Variants in REV3L observed in about 807,000 individuals in gnomAD.
The protein encoded by REV3L is DNA polymerase zeta catalytic subunit.
REV3L carries 69 observed loss-of-function variants against 299.4 expected under a neutral mutation model. The ratio of observed to expected loss-of-function variants is 0.23; its 90% CI spans 0.19 to 0.28. The LOEUF (loss-of-function observed/expected upper bound fraction) is 0.28, where lower values mean the gene tolerates loss of function less well. Ranked by LOEUF, REV3L falls within the 10% of genes least tolerant of loss-of-function variation. The pLI is 1.00. For synonymous variants in REV3L, 1,238 were observed against 1,271.4 expected (o/e 0.97, Z 0.56); for missense variants, 3,128 against 3,693.8 (o/e 0.85, Z 3.97).
chr6:111,422,467 T>C (rs1006295773), intron 1 of REV3L, among the ~76,000 whole-genome samples: 10 of 150,986 alleles, frequency 6.6e-5, no homozygotes, highest in African/African-American at 2.2e-4. Flanking sequence ...AAAATGTTTA[T>C]GATGTCTTTA....
chr6:111,305,200 G>A (rs1261462266), intron 31 of REV3L, among the ~76,000 whole-genome samples: 10 of 151,906 alleles, frequency 6.6e-5, no homozygotes, highest in East Asian at 3.9e-4. Flanking sequence ...CTCGGCCTCC[G>A]AAAGTGCTGG....
At chr6:111,343,377 T>A (rs1776715316) in intron 21 of REV3L, among the ~76,000 whole-genome samples, 1 of 152,158 alleles carries the variant, frequency 6.6e-6, no homozygotes, top group Non-Finnish European at 1.5e-5. Flanking sequence ...AGAAATCCAA[T>A]TAGTAATTAT....
chr6:111,325,555 C>G (rs918727523), intron 25 of REV3L, among the ~76,000 whole-genome samples: 1 of 152,190 alleles, frequency 6.6e-6, no homozygotes, highest in Non-Finnish European at 1.5e-5. Flanking sequence ...TAGTCCAGAT[C>G]TAGTACTTTT....
At chr6:111,348,976 G>C in intron 20 of REV3L, 1 of 291,778 alleles carries the variant, frequency 3.4e-6, no homozygotes, top group South Asian at 7.2e-5. Flanking sequence ...TATAGCTATA[G>C]ACCTTTCTAG....
At chr6:111,471,171 CAA>C (rs1035772568) in intron 1 of REV3L, among the ~76,000 whole-genome samples, 5 of 152,024 alleles carry the variant, frequency 3.3e-5, no homozygotes, top group African/African-American at 7.2e-5. Context: ...TACAAATTCA[CAA>C]GAGAGCAATA....
At chr6:111,335,285 A>G (rs1168739389) in intron 22 of REV3L, among the ~76,000 whole-genome samples, 184 bp downstream of exon 22, 1 of 152,230 alleles carries the variant, frequency 6.6e-6, no homozygotes, top group Admixed American at 6.5e-5. Context: ...TCTTAATACC[A>G]TAAAAAACTT....
At position 111,380,146 on chromosome 6, in the gene REV3L, T is replaced by G. The variant is rs760511461; in HGVS notation, c.1290A>C (p.Arg430Ser). The change falls in exon 11 of 32, where the codon AGA becomes AGC. Residue 430 changes from arginine (R) to serine (S), a missense_variant. Physicochemically the swap from Arg to Ser is moderately radical, Grantham distance 110 (BLOSUM62 -1). Around this residue, in one of 9 missense-constraint regions of REV3L, gnomAD observed 2,409 missense variants for 2,611.8 expected, o/e 0.92. Transcript: ENST00000368802. ...AGCGACATGGTGATGGCATCCTATT[T>G]CTTTCCCCCCGATATCCATCACTTT... ...GLESDGYRGE[R>S]NRMPSPCRSF... The G allele has an allele frequency of 1.2e-6, 2 of 1,614,124 alleles. No individual in the cohort carries two copies. The highest frequency in any genetic ancestry group is 2.2e-5 in the South Asian group (2 of 91,080).
chr6:111,372,782 G>T lies in REV3L; in HGVS notation c.5573C>A (p.Ser1858Tyr), dbSNP rs201242486. Residue 1858 changes from serine to tyrosine, a missense_variant, in exon 13 of 32, where the codon TCT becomes TAT. Ser to Tyr is a moderately radical substitution (Grantham distance 144, BLOSUM62 -2). Coordinates refer to ENST00000368802, the MANE Select transcript of REV3L (RefSeq NM_001372078.1). ...TTTAGATTGTGAAGGAGAGCTAGTA[G>T]ATCTTGGTGAACTATCAGGAGTTGG... ...LTPTPDSSPR[S>Y]TSSPSQSKNG... 2 of 1,612,940 alleles carry T rather than the reference G, an allele frequency of 1.2e-6. No homozygotes were observed. Among genetic ancestry groups the T allele is most frequent in the Non-Finnish European group, 1.7e-6 (2 of 1,179,486 alleles).
intron 31 of REV3L, among the ~76,000 whole-genome samples, chr6:111,307,159 A>T (rs1347359346): frequency 6.6e-6 from 1 of 151,822 alleles, no homozygotes; most frequent in Non-Finnish European, 1.5e-5. Flanking sequence ...ACTATTCCAT[A>T]AAAAAAACAA....
At chr6:111,437,818 T>C (rs1787756937) in intron 1 of REV3L, among the ~76,000 whole-genome samples, 1 of 151,990 alleles carries the variant, frequency 6.6e-6, no homozygotes, top group Admixed American at 6.6e-5. Flanking sequence ...TATAAATAGG[T>C]AAAATGTATA....
intron 19 of REV3L, among the ~76,000 whole-genome samples, chr6:111,350,886 CTT>C (rs571727526): frequency 2.0e-3 from 300 of 151,842 alleles, no homozygotes; most frequent in African/African-American, 7.0e-3. Flanking sequence ...TGCACCTGAT[CTT>C]TTTATTCCAA....
intron 2 of REV3L, among the ~76,000 whole-genome samples, chr6:111,414,207 C>A (rs138448549): frequency 1.0e-3 from 156 of 152,160 alleles, no homozygotes; most frequent in African/African-American, 3.5e-3. Context: ...AATAATAATG[C>A]CCTACTTAAA....
intron 4 of REV3L, among the ~76,000 whole-genome samples, chr6:111,400,900 A>G (rs1364703427): frequency 2.0e-5 from 3 of 152,210 alleles, no homozygotes; most frequent in African/African-American, 4.8e-5. Flanking sequence ...TATGTGACGT[A>G]TAAGGTGTGA....
At chr6:111,402,762 T>C (rs1783221082) in intron 4 of REV3L, among the ~76,000 whole-genome samples, 1 of 151,752 alleles carries the variant, frequency 6.6e-6, no homozygotes, top group Non-Finnish European at 1.5e-5. Context: ...TTGACAGTGA[T>C]GGAAAAGAAA....
At chr6:111,476,496 T>A (rs938646774) in intron 1 of REV3L, among the ~76,000 whole-genome samples, 3 of 152,128 alleles carry the variant, frequency 2.0e-5, no homozygotes, top group African/African-American at 7.2e-5. Context: ...TGAGGTCAGG[T>A]GTGGAATTTT....
rs1204073534 is a variant in REV3L, at chr6:111,374,006, T to C, written c.4349A>G (p.Glu1450Gly). The change falls in exon 13 of 32, where the codon GAG becomes GGG. Residue 1450 changes from glutamate (E) to glycine (G), a missense_variant. Transcript: ENST00000368802. Reference sequence around the variant, plus strand: ...GCAATTATTAGGCATTTGGCTTTCCTCTGAAGCTGTATTTCCCGGAGAACA... The same window carrying C: ...GCAATTATTAGGCATTTGGCTTTCCCCTGAAGCTGTATTTCCCGGAGAACA... ...ETCSPGNTASEESQMPNNCFV... is the reference protein window; with the variant it reads ...ETCSPGNTASGESQMPNNCFV... The C allele has an allele frequency of 6.2e-7, 1 of 1,614,046 alleles. No homozygotes were observed. Among genetic ancestry groups the C allele is most frequent in the East Asian group, 2.2e-5 (1 of 44,882 alleles).
intron 2 of REV3L, among the ~76,000 whole-genome samples, chr6:111,412,516 A>T (rs1405933425): frequency 6.6e-6 from 1 of 152,154 alleles, no homozygotes; most frequent in Non-Finnish European, 1.5e-5. Flanking sequence ...ATTGGCTGAA[A>T]AGTGGTCTGT....
At chr6:111,477,620 A>G (rs1437938923) in intron 1 of REV3L, among the ~76,000 whole-genome samples, 1 of 152,226 alleles carries the variant, frequency 6.6e-6, no homozygotes, top group Non-Finnish European at 1.5e-5. Flanking sequence ...TAAGTCAAGA[A>G]CATGGCTCAA....
chr6:111,430,817 C>T lies in REV3L; in HGVS notation c.140-14345G>A, dbSNP rs1289840486. 6.6e-5 allele frequency: 106 copies of T among 1,608,410 alleles called. 1 individual carries two copies. In the Admixed American group the frequency reaches 7.8e-4, roughly 12 times the overall value. On this transcript the variant is annotated intron_variant, in intron 1 of 31. Coordinates refer to ENST00000368802, the MANE Select transcript of REV3L (RefSeq NM_001372078.1). ...GGAATCTGGAGGAAAGCTGACCAGG[C>T]GGCTTGTGAACAGTCAGTGCAAATT...
Sources: allele counts gnomAD v4.1 joint callset (sites outside exome capture counted in the v4.1 genomes callset), GRCh38; gene constraint gnomAD v4.1.1; regional missense constraint gnomAD v4.1.1; transcripts MANE v1.5; gene names NCBI Gene and HGNC (gene_info 2026-07-23, HGNC 2026-07-21).